Variants in PTGFRN observed in about 807,000 individuals in gnomAD.
The protein encoded by PTGFRN is prostaglandin F2 receptor inhibitor.
Under a neutral mutation model 83.2 loss-of-function variants are expected in PTGFRN, and 35 were observed. That is an observed-to-expected ratio of 0.42 (90% CI 0.32 to 0.56). The LOEUF (loss-of-function observed/expected upper bound fraction) is 0.56. Ranked by LOEUF, PTGFRN falls within the 20% of genes least tolerant of loss-of-function variation. PTGFRN has a pLI of 0.11. For synonymous variants in PTGFRN, 519 were observed against 498.6 expected (o/e 1.04, Z -0.55); for missense variants, 1,051 against 1,179.5 (o/e 0.89, Z 1.60).
chr1:116,963,025 A>G (rs992458300), intron 5 of PTGFRN, among the ~76,000 whole-genome samples: 34 of 152,138 alleles, frequency 2.2e-4, no homozygotes, highest in African/African-American at 8.0e-4. Context: ...ACTCCCTTGC[A>G]TACACCCCTA....
Position 116,946,142 on chromosome 1 carries a change from A to T in PTGFRN, c.832+1050A>T, listed in dbSNP as rs535820648. Among the ~76,000 whole-genome samples the T allele has an allele frequency of 1.1e-4, 16 of 152,298 alleles. No individual in the cohort carries two copies. In the South Asian group the frequency reaches 3.3e-3, roughly 32 times the overall value. On this transcript the variant is annotated intron_variant, in intron 3 of 8. Coordinates refer to ENST00000393203, the MANE Select transcript of PTGFRN (RefSeq NM_020440.4). Reference sequence around the variant, plus strand: ...CCTTGGTTGTTGCACTCATTTCCTGAGCATGAATGTGAATATGTGGTGGCT... The same window carrying T: ...CCTTGGTTGTTGCACTCATTTCCTGTGCATGAATGTGAATATGTGGTGGCT...
Position 116,952,394 on chromosome 1 carries a change from G to A in PTGFRN, c.1213+2822G>A, listed in dbSNP as rs1352147240. The stretch of plus-strand genomic sequence containing the variant: ...TCCAGAGCACTTGCAGCCACTGAGA[G>A]GATCATGATAATGTTTTAGATGTTG... On this transcript the variant is annotated intron_variant, in intron 4 of 8. Transcript: ENST00000393203. This position sits in a 1 kb window ranked among gnomAD's most constrained non-coding sequence, Gnocchi z 4.0. 2.0e-5 allele frequency among the ~76,000 whole-genome samples: 3 copies of A among 152,016 alleles called. No individual in the cohort carries two copies. Among genetic ancestry groups the A allele is most frequent in the Admixed American group, 6.6e-5 (1 of 15,250 alleles).
In PTGFRN at chr1:116,984,862, G is replaced by A. The variant is rs768721220; in HGVS notation, c.2350G>A (p.Glu784Lys). Residue 784 changes from glutamate to lysine, a missense_variant, in exon 8 of 9, where the codon GAG (glutamate) becomes AAG (lysine). Physicochemically the swap from Glu to Lys is moderately conservative, Grantham distance 56. This residue lies in a region of PTGFRN where 719 missense variants were observed against 836.6 expected (regional missense o/e 0.86). Coordinates refer to ENST00000393203, the MANE Select transcript of PTGFRN (RefSeq NM_020440.4). ...LEFLLQVHGSEDQDFGNYYCS... is the reference protein window; with the variant it reads ...LEFLLQVHGSKDQDFGNYYCS... ...ATTCTTGCTGCAAGTGCATGGCTCC[G>A]AGGACCAGGACTTTGGCAACTACTA... is the stretch of plus-strand genomic sequence containing the variant. 8.1e-6 allele frequency: 13 copies of A among 1,614,010 alleles called. No homozygotes were observed. The highest frequency in any genetic ancestry group is 7.7e-5 in the South Asian group (7 of 91,074).
intron 7 of PTGFRN, among the ~76,000 whole-genome samples, chr1:116,979,437 A>G (rs1161044512): frequency 6.6e-6 from 1 of 152,236 alleles, no homozygotes; most frequent in Non-Finnish European, 1.5e-5. Context: ...AAAAGAACAA[A>G]GCTGGAGGTA....
chr1:116,983,706 A>G (rs1324996710), intron 7 of PTGFRN, among the ~76,000 whole-genome samples: 1 of 152,132 alleles, frequency 6.6e-6, no homozygotes, highest in African/African-American at 2.4e-5. Flanking sequence ...TTTTGAGGCT[A>G]TTAGTGTATT....
chr1:116,947,639 G>T (rs4233450), intron 3 of PTGFRN, among the ~76,000 whole-genome samples: 121,879 of 152,140 alleles, frequency 0.8, 49,039 homozygotes, highest in South Asian at 0.9. Context: ...TAAGTACTTC[G>T]TCACTGACCC....
intron 4 of PTGFRN, among the ~76,000 whole-genome samples, chr1:116,956,048 T>C (rs1447926385): frequency 6.6e-6 from 1 of 152,194 alleles, no homozygotes; most frequent in Non-Finnish European, 1.5e-5. Flanking sequence ...ATTTTTAAAA[T>C]TGTAAAACAA....
chr1:116,910,102 C>A lies in PTGFRN; in HGVS notation c.-102C>A. ...GAGCGGAGCAGGCGCGCGGCCCAGG[C>A]GGAGGAGCGCCGACTCTGGAGCAGC... On this transcript the variant is annotated 5_prime_UTR_variant, in exon 1 of 9. Transcript: ENST00000393203. The A allele has an allele frequency of 7.8e-7, 1 of 1,282,154 alleles. No individual in the cohort carries two copies. The highest frequency in any genetic ancestry group is 1.1e-6 in the Non-Finnish European group (1 of 927,694). 79.4% of individuals were successfully genotyped at this position (1,282,154 alleles called of 1,614,324 possible).
intron 2 of PTGFRN, among the ~76,000 whole-genome samples, chr1:116,942,884 A>G (rs1227017028): frequency 6.6e-6 from 1 of 152,252 alleles, no homozygotes; most frequent in Non-Finnish European, 1.5e-5. Context: ...TAATTTATAC[A>G]TGAGGAAATG....
At chr1:116,971,532 C>T (rs1028284046) in intron 6 of PTGFRN, among the ~76,000 whole-genome samples, 3 of 152,204 alleles carry the variant, frequency 2.0e-5, no homozygotes, top group African/African-American at 4.8e-5. Context: ...GACAAATCCC[C>T]TCACAAAAAC....
chr1:116,965,670 A>G (rs1233645448), intron 5 of PTGFRN, among the ~76,000 whole-genome samples: 1 of 152,104 alleles, frequency 6.6e-6, no homozygotes, highest in Non-Finnish European at 1.5e-5. Context: ...CTTCCTTCCA[A>G]ATACAAATCC....
At chr1:116,977,577 TCG>T (rs1209494352) in intron 7 of PTGFRN, among the ~76,000 whole-genome samples, 2 of 152,234 alleles carry the variant, frequency 1.3e-5, no homozygotes, top group East Asian at 3.9e-4. Flanking sequence ...TCACTCAAAA[TCG>T]CTCAACTACA....
chr1:116,969,679 A>G (rs114566103), intron 6 of PTGFRN, among the ~76,000 whole-genome samples: 2,843 of 152,286 alleles, frequency 0.019, 98 homozygotes, highest in African/African-American at 0.066. Context: ...CTGTAGATCA[A>G]TTTGGAAAGC....
Position 116,961,489 on chromosome 1 carries a change from A to G in PTGFRN, c.1460A>G (p.Asp487Gly). ...ERSKQRAQDG[D>G]FIFSKEHTDT... ...AGCAAGCAGCGGGCCCAGGATGGAG[A>G]CTTTATTTTTTCTAAGGAACATACA... The change falls in exon 5 of 9, where the codon GAC (aspartate) becomes GGC (glycine). Residue 487 changes from aspartate to glycine, a missense_variant. Around this residue, in one of 3 missense-constraint regions of PTGFRN, gnomAD observed 719 missense variants for 836.6 expected, o/e 0.86. Coordinates refer to ENST00000393203, the MANE Select transcript of PTGFRN (RefSeq NM_020440.4). This position sits in a 1 kb window ranked among gnomAD's most constrained non-coding sequence, Gnocchi z 5.4. The G allele has an allele frequency of 6.2e-7, 1 of 1,614,048 alleles. No individual in the cohort carries two copies. Among genetic ancestry groups the G allele is most frequent in the African/African-American group, 1.3e-5 (1 of 74,992 alleles).
At chr1:116,936,384 C>T (rs372959179) in intron 1 of PTGFRN, among the ~76,000 whole-genome samples, 5 of 152,186 alleles carry the variant, frequency 3.3e-5, no homozygotes, top group African/African-American at 9.7e-5. Context: ...AGGTTTATAT[C>T]TTTTCGGATT....
chr1:116,984,538 G>A (rs1264190689), intron 7 of PTGFRN, 142 bp from the exon 8 acceptor site: 2 of 713,550 alleles, frequency 2.8e-6, no homozygotes, highest in Non-Finnish European at 2.3e-6. Flanking sequence ...TCATCATAGG[G>A]CTGTTGTGAG....
intron 1 of PTGFRN, among the ~76,000 whole-genome samples, chr1:116,932,581 CAG>C (rs998736786): frequency 4.0e-5 from 6 of 151,844 alleles, no homozygotes; most frequent in Admixed American, 3.3e-4. Context: ...GGTAGTACAT[CAG>C]AAAAATTTTT....
rs550544529 is a variant in PTGFRN, at chr1:116,914,556, GCCTGTGCAA to G, written c.49+4306_49+4314del. ...GCTTGAGATCAGGAGATCGAGACCG[GCCTGTGCAA>G]CATAGTGAGACCCCCATCTCTACTA... On this transcript the variant is annotated intron_variant, in intron 1 of 8. Coordinates refer to ENST00000393203, the MANE Select transcript of PTGFRN (RefSeq NM_020440.4). 4.2e-3 allele frequency among the ~76,000 whole-genome samples: 647 copies of G among 152,254 alleles called. 4 individuals are homozygous for G. The highest frequency in any genetic ancestry group is 0.01 in the Middle Eastern group (3 of 294).
chr1:116,928,172 C>T (rs1649702243), intron 1 of PTGFRN, among the ~76,000 whole-genome samples: 1 of 152,118 alleles, frequency 6.6e-6, no homozygotes, highest in Non-Finnish European at 1.5e-5. Context: ...AATTTTAGCC[C>T]CTGGAAAAAA....
Sources: gnomAD v4.1 joint callset for allele counts (sites outside exome capture counted in the v4.1 genomes callset) on GRCh38, gnomAD v4.1.1 for gene constraint, gnomAD v4.1.1 regional missense constraint, Gnocchi (gnomAD v3.1) non-coding constraint, MANE v1.5 for transcripts, NCBI Gene and HGNC (gene_info 2026-07-23, HGNC 2026-07-21) for gene names.